TMTC1: variants seen among roughly 807,000 people sequenced by gnomAD.
TMTC1 encodes the protein protein O-mannosyl-transferase TMTC1.
A neutral mutation model predicts 104.8 loss-of-function variants in TMTC1; 73 were observed. That is an observed-to-expected ratio of 0.70 (90% confidence interval 0.58 to 0.85). The LOEUF is 0.85. Ranked by LOEUF, TMTC1 falls within the 40% of genes least tolerant of loss-of-function variation. The pLI is 0.00. For synonymous variants in TMTC1, 434 were observed against 428.7 expected (o/e 1.01, Z -0.15); for missense variants, 1,035 against 1,096.1 (o/e 0.94, Z 0.79).
chr12:29,736,577 G>A (rs1300427996), intron 5 of TMTC1, among the ~76,000 whole-genome samples: 1 of 151,970 alleles, frequency 6.6e-6, no homozygotes, highest in East Asian at 1.9e-4. Context: ...CCACCACCAC[G>A]CCCGGCTAAT....
intron 5 of TMTC1, among the ~76,000 whole-genome samples, chr12:29,708,274 T>C (rs1209759091): frequency 6.6e-6 from 1 of 152,242 alleles, no homozygotes; most frequent in Non-Finnish European, 1.5e-5. Flanking sequence ...CACAAGATTT[T>C]AATAAATGAA....
At chr12:29,774,229 T>C (rs959678999) in intron 1 of TMTC1, among the ~76,000 whole-genome samples, 5 of 152,080 alleles carry the variant, frequency 3.3e-5, no homozygotes, top group East Asian at 3.9e-4. Context: ...GATTCTCCGA[T>C]CCCATCCCAA....
intron 7 of TMTC1, among the ~76,000 whole-genome samples, chr12:29,590,761 G>T (rs779591986): frequency 2.6e-5 from 4 of 152,078 alleles, no homozygotes; most frequent in Non-Finnish European, 4.4e-5. Flanking sequence ...CTCCAGCCTG[G>T]GTGACAGGGT....
intron 9 of TMTC1, among the ~76,000 whole-genome samples, chr12:29,569,332 C>T (rs777388591): frequency 6.6e-6 from 1 of 152,132 alleles, no homozygotes; most frequent in Non-Finnish European, 1.5e-5. Flanking sequence ...ATAGGTACAG[C>T]CCTTATGATT....
chr12:29,573,404 T>C (rs546397790), intron 8 of TMTC1, among the ~76,000 whole-genome samples: 21 of 152,236 alleles, frequency 1.4e-4, no homozygotes, highest in Middle Eastern at 3.4e-3. Context: ...AATGGTACAG[T>C]TGTTTATCAT....
chr12:29,644,677 GC>G (rs542492634), intron 5 of TMTC1, among the ~76,000 whole-genome samples: 1 of 152,066 alleles, frequency 6.6e-6, no homozygotes, highest in Non-Finnish European at 1.5e-5. Flanking sequence ...CTTAGCATTT[GC>G]TCCACCTCCA....
chr12:29,504,506 T>G lies in TMTC1; in HGVS notation c.*2340A>C, dbSNP rs930574244. 6.6e-6 allele frequency: 1 copy of G among 152,170 alleles called. No individual in the cohort carries two copies. Among genetic ancestry groups the G allele is most frequent in the East Asian group, 1.9e-4 (1 of 5,184 alleles). 9.4% of individuals were successfully genotyped at this position (152,170 alleles called of 1,614,324 possible). A position where few individuals can be genotyped will look rare whatever the true frequency, so the allele number is the denominator to read the frequency against. ...AGTATCTGATCCAACAAATAATTAC[T>G]TTTTTAAAAAACAGTGCTTACTTTT... is the stretch of plus-strand genomic sequence containing the variant. On this transcript the variant is annotated 3_prime_UTR_variant, in exon 18 of 18. Coordinates refer to ENST00000539277, the MANE Select transcript of TMTC1 (RefSeq NM_001193451.2).
intron 5 of TMTC1, among the ~76,000 whole-genome samples, chr12:29,710,945 A>AATATATAAATATATTAATATATAAAT (rs1565786458): frequency 1.1e-4 from 2 of 17,912 alleles, no homozygotes; most frequent in African/African-American, 1.6e-4. Flanking sequence ...ATAATATATA[A>AATATATAAATATATTAATATATAAAT]ATATATATAT....
At chr12:29,711,455 A>G (rs1591960809) in intron 5 of TMTC1, among the ~76,000 whole-genome samples, 1 of 152,192 alleles carries the variant, frequency 6.6e-6, no homozygotes, top group African/African-American at 2.4e-5. Context: ...TATACTGTGT[A>G]CATTATCCTC....
In TMTC1 at chr12:29,517,486, G is replaced by GC; in HGVS notation, c.2109dup (p.Gln704AlafsTer34). Reference sequence around the variant, plus strand: ...AGTGCTGCAGCTTCCTGGTAAATCTGCAAAGCCTCTTCGTATCGGCCAGTG... The same window carrying GC: ...AGTGCTGCAGCTTCCTGGTAAATCTGCCAAAGCCTCTTCGTATCGGCCAGTG... On this transcript the variant is annotated frameshift_variant, in exon 14 of 18. Coordinates refer to ENST00000539277, the MANE Select transcript of TMTC1 (RefSeq NM_001193451.2). LOFTEE classifies it high-confidence loss of function. The GC allele has an allele frequency of 1.2e-6, 2 of 1,614,096 alleles. No individual in the cohort carries two copies. The highest frequency in any genetic ancestry group is 1.7e-6 in the Non-Finnish European group (2 of 1,180,010).
At chr12:29,575,847 C>T (rs938989588) in intron 8 of TMTC1, among the ~76,000 whole-genome samples, 3 of 152,164 alleles carry the variant, frequency 2.0e-5, no homozygotes, top group African/African-American at 4.8e-5. Context: ...GCTGGACCAA[C>T]ATACATTCCC....
At chr12:29,524,229 T>C (rs1275797348) in intron 11 of TMTC1, among the ~76,000 whole-genome samples, 1 of 152,090 alleles carries the variant, frequency 6.6e-6, no homozygotes, top group Non-Finnish European at 1.5e-5. Context: ...AATCAAGAGT[T>C]TGGAGTATGC....
At position 29,617,533 on chromosome 12, in the gene TMTC1, CAACAGAGA is replaced by C. The variant is rs1198257868; in HGVS notation, c.1129-13242_1129-13235del. Among the ~76,000 whole-genome samples, 1,191 of 120,428 alleles carry C rather than the reference CAACAGAGA, an allele frequency of 9.9e-3. 19 individuals are homozygous for C. Among genetic ancestry groups the C allele is most frequent in the African/African-American group, 0.037 (1,138 of 30,686 alleles). 79.0% of individuals were successfully genotyped at this position (120,428 alleles called of 152,430 possible). On this transcript the variant is annotated intron_variant, in intron 6 of 17. Coordinates refer to ENST00000539277, the MANE Select transcript of TMTC1 (RefSeq NM_001193451.2). ...GGAAAACATCAGTAAGCAAAACAGACAACAGAGAGAGAGAGAGAGAGAGAGAGAGAGAG... is the reference window on the plus strand; with the variant it reads ...GGAAAACATCAGTAAGCAAAACAGACGAGAGAGAGAGAGAGAGAGAGAGAG...
intron 9 of TMTC1, among the ~76,000 whole-genome samples, chr12:29,559,710 C>T (rs890266052): frequency 1.3e-5 from 2 of 152,106 alleles, no homozygotes; most frequent in Non-Finnish European, 2.9e-5. Context: ...TACAGGGACT[C>T]GCTGATTCTA....
At chr12:29,716,301 T>C (rs1457694350) in intron 5 of TMTC1, among the ~76,000 whole-genome samples, 4 of 151,976 alleles carry the variant, frequency 2.6e-5, no homozygotes, top group Non-Finnish European at 4.4e-5. Flanking sequence ...AGATTACGGG[T>C]ATGAGCCACT....
intron 1 of TMTC1, among the ~76,000 whole-genome samples, chr12:29,768,790 C>T (rs1943532064): frequency 6.6e-6 from 1 of 152,104 alleles, no homozygotes; most frequent in Admixed American, 6.6e-5. Context: ...TAAAAGAGAA[C>T]CACAAAGGGA....
intron 13 of TMTC1, 57 bp from the exon 14 acceptor site, chr12:29,517,628 G>T: frequency 6.2e-7 from 1 of 1,601,862 alleles, no homozygotes; most frequent in Non-Finnish European, 8.5e-7. Context: ...ATTTCCAAAT[G>T]TCTAGGCTTA....
At chr12:29,668,159 C>G (rs1940355934) in intron 5 of TMTC1, among the ~76,000 whole-genome samples, 1 of 152,202 alleles carries the variant, frequency 6.6e-6, no homozygotes, top group Admixed American at 6.5e-5. Flanking sequence ...TAATAAAATA[C>G]CACAGACTGA....
At chr12:29,740,411 G>A (rs745438665) in intron 5 of TMTC1, among the ~76,000 whole-genome samples, 4 of 152,050 alleles carry the variant, frequency 2.6e-5, no homozygotes, top group Non-Finnish European at 5.9e-5. Flanking sequence ...GCATGAAAAA[G>A]AGAGACAAGC....
Sources: allele counts gnomAD v4.1 joint callset (sites outside exome capture counted in the v4.1 genomes callset), GRCh38; gene constraint gnomAD v4.1.1; transcripts MANE v1.5; gene names NCBI Gene and HGNC (gene_info 2026-07-23, HGNC 2026-07-21).